KCNK10: variants seen among roughly 807,000 people sequenced by gnomAD.
The protein encoded by KCNK10 is potassium two pore domain channel subfamily K member 10.
Under a neutral mutation model 47.7 loss-of-function variants are expected in KCNK10, and 25 were observed. That is an observed-to-expected ratio of 0.52 (90% CI 0.38 to 0.73). The LOEUF (loss-of-function observed/expected upper bound fraction) is 0.73. Among genes scored for constraint, KCNK10 ranks in the 30% least tolerant of loss-of-function variants. The pLI is 0.00. For synonymous variants in KCNK10, 303 were observed against 285.6 expected (o/e 1.06, Z -0.61); for missense variants, 563 against 714.5 (o/e 0.79, Z 2.42).
In KCNK10 at chr14:88,188,151, T is replaced by C. The variant is rs568710673; in HGVS notation, c.869-42A>G. Reference sequence around the variant, plus strand: ...GTTACTTTAACCATGATCTAGCATATGGTCTTTGCAGAGAACACATATTCC... The same window carrying C: ...GTTACTTTAACCATGATCTAGCATACGGTCTTTGCAGAGAACACATATTCC... On this transcript the variant is annotated intron_variant, in intron 5 of 6. Coordinates refer to ENST00000319231, the MANE Select transcript of KCNK10 (RefSeq NM_138317.3). 2.5e-6 allele frequency: 4 copies of C among 1,607,170 alleles called. No individual in the cohort carries two copies. In the South Asian group the frequency reaches 3.3e-5, roughly 13 times the overall value.
chr14:88,202,313 G>C (rs1368768258), intron 4 of KCNK10, among the ~76,000 whole-genome samples: 1 of 152,218 alleles, frequency 6.6e-6, no homozygotes, highest in Non-Finnish European at 1.5e-5. Context: ...GTCCACGTCA[G>C]AGGATCCTTG....
At chr14:88,203,712 G>C (rs1414660611) in intron 4 of KCNK10, among the ~76,000 whole-genome samples, 1 of 152,214 alleles carries the variant, frequency 6.6e-6, no homozygotes, top group Non-Finnish European at 1.5e-5. Context: ...CAGGACAGTA[G>C]CACTCCCCCT....
chr14:88,284,044 T>C (rs1887712468), intron 1 of KCNK10, among the ~76,000 whole-genome samples: 1 of 152,148 alleles, frequency 6.6e-6, no homozygotes, highest in Admixed American at 6.5e-5. Context: ...TAACACAATA[T>C]AATTTACCTC....
chr14:88,298,218 T>C (rs950824402), intron 1 of KCNK10, among the ~76,000 whole-genome samples: 3 of 152,190 alleles, frequency 2.0e-5, no homozygotes, highest in African/African-American at 4.8e-5. Context: ...ACAGTACCCT[T>C]GTACAAGTCA....
intron 4 of KCNK10, among the ~76,000 whole-genome samples, chr14:88,223,127 A>T (rs982105132): frequency 1.3e-5 from 2 of 152,146 alleles, no homozygotes; most frequent in Non-Finnish European, 2.9e-5. Flanking sequence ...AAGACTGCAA[A>T]AACTACAACC....
intron 4 of KCNK10, among the ~76,000 whole-genome samples, chr14:88,218,291 C>A (rs1482927461): frequency 6.6e-6 from 1 of 152,226 alleles, no homozygotes; most frequent in Non-Finnish European, 1.5e-5. Context: ...AGGCACATGG[C>A]AGAGGCCTGC....
intron 1 of KCNK10, among the ~76,000 whole-genome samples, chr14:88,297,652 G>C (rs566796234): frequency 6.9e-4 from 105 of 152,278 alleles, no homozygotes; most frequent in African/African-American, 2.3e-3. Context: ...GGGGATGAAG[G>C]CCAGTGAGTC....
chr14:88,253,428 C>T (rs1207553946), intron 2 of KCNK10, among the ~76,000 whole-genome samples: 4 of 152,020 alleles, frequency 2.6e-5, no homozygotes, highest in Admixed American at 2.6e-4. Flanking sequence ...TGCTAATTTC[C>T]CGGATCTGAT....
intron 4 of KCNK10, among the ~76,000 whole-genome samples, chr14:88,225,835 G>A (rs1209790729): frequency 6.6e-6 from 1 of 152,186 alleles, no homozygotes; most frequent in Non-Finnish European, 1.5e-5. Flanking sequence ...TTGGAGACAG[G>A]GCTGCTATGT....
At chr14:88,221,105 C>T (rs978074049) in intron 4 of KCNK10, among the ~76,000 whole-genome samples, 3 of 151,978 alleles carry the variant, frequency 2.0e-5, no homozygotes, top group Non-Finnish European at 4.4e-5. Context: ...AGTTCAAGAC[C>T]AGCTTGGCCA....
At position 88,180,708 on chromosome 14, in the gene KCNK10, C is replaced by T. The variant is rs1037790786; in HGVS notation, c.*4827G>A. ...CACCTCTCATTTCTCCTCAATGCCA[C>T]TGCACTGATGTCAACTGACTTAGGG... On this transcript the variant is annotated 3_prime_UTR_variant, in exon 7 of 7. Coordinates refer to ENST00000319231, the MANE Select transcript of KCNK10 (RefSeq NM_138317.3). The T allele has an allele frequency of 2.5e-6, 1 of 398,642 alleles. No individual in the cohort carries two copies. The allele number at this position is 398,642 out of a possible 1,614,324, so 24.7% of individuals were successfully genotyped here.
intron 3 of KCNK10, among the ~76,000 whole-genome samples, chr14:88,238,338 T>C (rs895145875): frequency 1.6e-4 from 25 of 152,254 alleles, no homozygotes; most frequent in African/African-American, 6.0e-4. Context: ...TTATCATTCA[T>C]GTGCTCACTC....
chr14:88,285,066 T>A (rs1641434131), intron 1 of KCNK10, among the ~76,000 whole-genome samples: 1 of 152,228 alleles, frequency 6.6e-6, no homozygotes, highest in African/African-American at 2.4e-5. Context: ...GCTAACTAAA[T>A]AAGTTTGCAT....
At chr14:88,247,476 G>C (rs1475534412) in intron 2 of KCNK10, among the ~76,000 whole-genome samples, 1 of 152,212 alleles carries the variant, frequency 6.6e-6, no homozygotes, top group Non-Finnish European at 1.5e-5. Context: ...TTACAATGAC[G>C]TGTATTTTCC....
intron 2 of KCNK10, among the ~76,000 whole-genome samples, chr14:88,254,665 C>T (rs1014138203): frequency 2.6e-5 from 4 of 152,132 alleles, no homozygotes; most frequent in African/African-American, 9.7e-5. Context: ...AGTATAGAAG[C>T]TTCTAAGACA....
Position 88,322,872 on chromosome 14 carries a change from CG to C in KCNK10, c.-75del. On this transcript the variant is annotated 5_prime_UTR_variant, in exon 1 of 7. Transcript: ENST00000319231. The surrounding 1 kb of genome is among the most constrained non-coding windows in gnomAD (Gnocchi z 4.8). ...TAAAGTCCTCAAGCTTTACACGCCT[CG>C]GTTTAGCAGTCCAACAAAACAATTT... 6.2e-7 allele frequency: 1 copy of C among 1,609,982 alleles called. No homozygotes were observed. Among genetic ancestry groups the C allele is most frequent in the Non-Finnish European group, 8.5e-7 (1 of 1,178,098 alleles).
At chr14:88,285,128 T>C (rs1887733181) in intron 1 of KCNK10, among the ~76,000 whole-genome samples, 1 of 152,200 alleles carries the variant, frequency 6.6e-6, no homozygotes, top group Admixed American at 6.5e-5. Flanking sequence ...TTGTTTGTTT[T>C]TGAGGTGGAG....
chr14:88,286,430 C>T (rs1363141664), intron 1 of KCNK10, among the ~76,000 whole-genome samples: 4 of 152,128 alleles, frequency 2.6e-5, no homozygotes, highest in Non-Finnish European at 5.9e-5. Context: ...AGGAACTGCT[C>T]ATAAAATGGA....
intron 2 of KCNK10, among the ~76,000 whole-genome samples, chr14:88,249,517 G>A (rs1422912392): frequency 2.0e-5 from 3 of 152,196 alleles, no homozygotes; most frequent in African/African-American, 7.2e-5. Flanking sequence ...GGACCTGAGT[G>A]CTTCCTTGTC....
Sources: allele counts gnomAD v4.1 joint callset (sites outside exome capture counted in the v4.1 genomes callset), GRCh38; gene constraint gnomAD v4.1.1; non-coding constraint Gnocchi (gnomAD v3.1); transcripts MANE v1.5; gene names NCBI Gene and HGNC (gene_info 2026-07-23, HGNC 2026-07-21).